ACTR3: variants seen among roughly 807,000 people sequenced by gnomAD.
The protein encoded by ACTR3 is actin related protein 3, also known as actin-related protein 3.
A neutral mutation model predicts 56.8 loss-of-function variants in ACTR3; 12 were observed. That is an observed-to-expected ratio of 0.21 (90% confidence interval 0.14 to 0.34). The LOEUF is 0.34. ACTR3 is among the 10% of genes least tolerant of loss of function. ACTR3 has a pLI of 1.00. For missense variants in ACTR3, 282 were observed against 512.5 expected, an observed-to-expected ratio of 0.55 and a Z score of 4.34; for synonymous variants, 162 against 167.4, an observed-to-expected ratio of 0.97 and a Z score of 0.25.
At chr2:113,953,234 T>C (rs1331397415) in intron 10 of ACTR3, 2 of 152,200 alleles carry the variant, frequency 1.3e-5, no homozygotes, top group Admixed American at 6.5e-5. Context: ...AGAAATAAAT[T>C]TACCCAGTGA....
At chr2:113,912,382 GC>G (rs1178995516) in intron 1 of ACTR3, among the ~76,000 whole-genome samples, 1 of 151,986 alleles carries the variant, frequency 6.6e-6, no homozygotes, top group African/African-American at 2.4e-5. Context: ...CTCCTAAGTA[GC>G]CCCCACATAC....
At chr2:113,900,262 C>G (rs1341984035) in intron 1 of ACTR3, among the ~76,000 whole-genome samples, 1 of 152,112 alleles carries the variant, frequency 6.6e-6, no homozygotes, top group Non-Finnish European at 1.5e-5. Flanking sequence ...CCAAAAAACC[C>G]TACACCCAGT....
intron 1 of ACTR3, among the ~76,000 whole-genome samples, chr2:113,911,054 A>G (rs942346179): frequency 6.6e-6 from 1 of 152,194 alleles, no homozygotes; most frequent in Admixed American, 6.5e-5. Context: ...TAGACTAGTC[A>G]TTTCCATTTG....
At chr2:113,908,416 A>C (rs1240648775) in intron 1 of ACTR3, among the ~76,000 whole-genome samples, 1 of 151,882 alleles carries the variant, frequency 6.6e-6, no homozygotes, top group Admixed American at 6.6e-5. Context: ...TGGTAGGTTA[A>C]TGGAGGCTAG....
intron 3 of ACTR3, among the ~76,000 whole-genome samples, chr2:113,917,439 C>T (rs1317476663): frequency 6.6e-6 from 1 of 151,946 alleles, no homozygotes; most frequent in Non-Finnish European, 1.5e-5. Context: ...TTTTCCCTCC[C>T]TCTTTTAATT....
chr2:113,920,080 C>T (rs939742218), intron 3 of ACTR3, among the ~76,000 whole-genome samples: 22 of 152,148 alleles, frequency 1.4e-4, no homozygotes, highest in African/African-American at 4.8e-4. Flanking sequence ...TGTGCCACCA[C>T]GCCGGACTAA....
At chr2:113,912,555 A>G (rs1402117304) in intron 1 of ACTR3, among the ~76,000 whole-genome samples, 1 of 152,188 alleles carries the variant, frequency 6.6e-6, no homozygotes, top group Non-Finnish European at 1.5e-5. Context: ...AATGAAAACA[A>G]ATCTCCTTCT....
At chr2:113,931,222 A>G in intron 4 of ACTR3, 79 bp from the exon 5 acceptor site, 1 of 779,382 alleles carries the variant, frequency 1.3e-6, no homozygotes, top group Middle Eastern at 3.8e-4. Flanking sequence ...GAAATAAATT[A>G]CTTCTCATTT....
At chr2:113,890,467 G>A in intron 1 of ACTR3, 144 bp downstream of exon 1, 2 of 1,283,666 alleles carry the variant, frequency 1.6e-6, no homozygotes, top group Middle Eastern at 2.8e-4. Flanking sequence ...CGAGGGGTGG[G>A]GCCCGCAGCC....
At chr2:113,937,920 T>C (rs1396694499) in intron 6 of ACTR3, among the ~76,000 whole-genome samples, 6 of 152,158 alleles carry the variant, frequency 3.9e-5, no homozygotes, top group Admixed American at 2.0e-4. Flanking sequence ...CTGTTACTGA[T>C]TACATATTTT....
chr2:113,946,499 A>T (rs570145661), intron 8 of ACTR3, among the ~76,000 whole-genome samples: 2 of 152,128 alleles, frequency 1.3e-5, no homozygotes, highest in South Asian at 4.1e-4. Flanking sequence ...TTTTGGCCAC[A>T]TATATGTCTT....
chr2:113,935,383 C>T (rs1008074068), intron 6 of ACTR3, among the ~76,000 whole-genome samples: 2 of 152,218 alleles, frequency 1.3e-5, no homozygotes, highest in Admixed American at 6.5e-5. Flanking sequence ...CCTTCAGCCC[C>T]TGGCAACCAC....
chr2:113,949,283 T>G (rs201803005), intron 8 of ACTR3, among the ~76,000 whole-genome samples: 1 of 142,682 alleles, frequency 7.0e-6, no homozygotes, highest in Non-Finnish European at 1.5e-5. Context: ...GAGGCTGAGG[T>G]AGGAGAATTG....
At chr2:113,895,662 G>A (rs1027420291) in intron 1 of ACTR3, among the ~76,000 whole-genome samples, 2 of 152,014 alleles carry the variant, frequency 1.3e-5, no homozygotes, top group African/African-American at 2.4e-5. Flanking sequence ...GGAAAAGATT[G>A]GTTTTTTCCT....
chr2:113,960,164 G>T lies in ACTR3; in HGVS notation c.*2709G>T, dbSNP rs1193987735. On this transcript the variant is annotated 3_prime_UTR_variant, in exon 12 of 12. Transcript: ENST00000263238. ...CAGTGCTTTGATCAAGTGGGAAATA[G>T]TAATGGACAAATAAAATCAATGATC... 6.6e-6 allele frequency: 1 copy of T among 151,986 alleles called. No individual in the cohort carries two copies. Among genetic ancestry groups the T allele is most frequent in the African/African-American group, 2.4e-5 (1 of 41,428 alleles). 9.4% of individuals were successfully genotyped at this position (151,986 alleles called of 1,614,324 possible).
intron 1 of ACTR3, among the ~76,000 whole-genome samples, chr2:113,912,436 ATGT>A (rs1209809495): frequency 2.0e-5 from 3 of 152,070 alleles, no homozygotes; most frequent in African/African-American, 7.2e-5. Flanking sequence ...ATCCTTATTT[ATGT>A]TGTTATTTTG....
chr2:113,941,146 T>C (rs1272223980), intron 7 of ACTR3, among the ~76,000 whole-genome samples: 2 of 152,154 alleles, frequency 1.3e-5, no homozygotes, highest in Non-Finnish European at 2.9e-5. Context: ...TCGTCAGAGC[T>C]TAAGAATGAA....
rs1680332983 is a variant in ACTR3 at position 113,961,933 on chromosome 2, C to T, written c.*4478C>T. On this transcript the variant is annotated 3_prime_UTR_variant, in exon 12 of 12. Coordinates refer to ENST00000263238, the MANE Select transcript of ACTR3 (RefSeq NM_005721.5). ...TTTACCTAAGTGTTACATCCAACAACAGATGAAAGTAATTCGACAGTAGCA... is the reference window on the plus strand; with the variant it reads ...TTTACCTAAGTGTTACATCCAACAATAGATGAAAGTAATTCGACAGTAGCA... The T allele has an allele frequency of 6.6e-6, 1 of 151,966 alleles. No homozygotes were observed. The highest frequency in any genetic ancestry group is 2.1e-4 in the South Asian group (1 of 4,830). 9.4% of individuals were successfully genotyped at this position (151,966 alleles called of 1,614,324 possible).
At chr2:113,901,606 T>C (rs1202706107) in intron 1 of ACTR3, among the ~76,000 whole-genome samples, 6 of 152,240 alleles carry the variant, frequency 3.9e-5, no homozygotes, top group Non-Finnish European at 8.8e-5. Context: ...ATTTGAACTT[T>C]AGTGGTTGTC....
Sources: allele counts gnomAD v4.1 joint callset (sites outside exome capture counted in the v4.1 genomes callset), GRCh38; gene constraint gnomAD v4.1.1; transcripts MANE v1.5; gene names NCBI Gene and HGNC (gene_info 2026-07-23, HGNC 2026-07-21).